ABCC5: variants seen among roughly 807,000 people sequenced by gnomAD.
ABCC5 encodes the protein ATP binding cassette subfamily C member 5.
ABCC5 carries 61 observed loss-of-function variants against 160.9 expected under a neutral mutation model. The observed-to-expected ratio is 0.38, with a 90% CI of 0.31 to 0.47. The LOEUF (loss-of-function observed/expected upper bound fraction) is 0.47, where lower values mean the gene tolerates loss of function less well. ABCC5 is among the 20% of genes least tolerant of loss of function. ABCC5 has a pLI of 0.99. For missense variants in ABCC5, 1,308 were observed against 1,813.3 expected, an observed-to-expected ratio of 0.72 and a Z score of 5.06; for synonymous variants, 666 against 700.6, an observed-to-expected ratio of 0.95 and a Z score of 0.78.
In ABCC5 at chr3:183,964,371, G is replaced by T. The variant is rs1717036856; in HGVS notation, c.2032-783C>A. On this transcript the variant is annotated intron_variant, in intron 14 of 29. Transcript: ENST00000334444. ...AAACACCTAATAAATGTTACTAAAT[G>T]ATTAAATGAATAAATCAGTTGTCAA... Among the ~76,000 whole-genome samples the T allele has an allele frequency of 3.3e-5, 5 of 152,218 alleles. No homozygotes were observed. In the South Asian group the frequency reaches 1.0e-3, roughly 31 times the overall value.
intron 10 of ABCC5, among the ~76,000 whole-genome samples, chr3:183,974,904 A>G (rs185536881): frequency 6.6e-6 from 1 of 152,362 alleles, no homozygotes; most frequent in East Asian, 1.9e-4. Context: ...AGAAAAGACT[A>G]TACTTGCAAA....
chr3:183,946,015 CA>C, intron 23 of ABCC5, 76 bp from the exon 24 acceptor site: 2 of 1,324,264 alleles, frequency 1.5e-6, no homozygotes, highest in Non-Finnish European at 2.2e-6. Context: ...GAACTTCCTT[CA>C]TCTAGAGGAC....
At chr3:183,940,462 GAAAAAAAAAAAA>G (rs537025178) in intron 25 of ABCC5, among the ~76,000 whole-genome samples, 5 of 64,620 alleles carry the variant, frequency 7.7e-5, no homozygotes, top group Admixed American at 1.8e-4. Context: ...TCTGTCTCAG[GAAAAAAAAAAAA>G]AAAAAAAAAA....
At chr3:184,013,574 C>T (rs9876143) in intron 2 of ABCC5, among the ~76,000 whole-genome samples, 2 of 152,084 alleles carry the variant, frequency 1.3e-5, no homozygotes, top group Middle Eastern at 6.9e-3. Flanking sequence ...TTTAAACACA[C>T]ATGACAGAAA....
chr3:183,961,770 G>T, intron 15 of ABCC5, 116 bp from the exon 16 acceptor site: 1 of 1,299,466 alleles, frequency 7.7e-7, no homozygotes, highest in Non-Finnish European at 1.1e-6. Context: ...GAAGACATTT[G>T]GCAGCATCTG....
chr3:183,994,765 GAAT>G (rs1418484956), intron 2 of ABCC5, among the ~76,000 whole-genome samples: 5 of 151,910 alleles, frequency 3.3e-5, no homozygotes, highest in African/African-American at 4.8e-5. Context: ...AATGGTGAAC[GAAT>G]AATGTTTAAC....
chr3:183,944,609 C>T (rs1043237574), intron 24 of ABCC5, among the ~76,000 whole-genome samples: 1 of 152,182 alleles, frequency 6.6e-6, no homozygotes, highest in African/African-American at 2.4e-5. Flanking sequence ...ACTCATGATG[C>T]TGCTTCTTTA....
intron 29 of ABCC5, among the ~76,000 whole-genome samples, chr3:183,922,032 AAAT>A (rs1712032092): frequency 6.9e-6 from 1 of 144,750 alleles, no homozygotes; most frequent in African/African-American, 2.6e-5. Flanking sequence ...CTCTGCCTCA[AAAT>A]AATAAATAAA....
At chr3:183,980,718 T>G (rs1265878077) in intron 8 of ABCC5, among the ~76,000 whole-genome samples, 2 of 130,002 alleles carry the variant, frequency 1.5e-5, no homozygotes, top group Non-Finnish European at 3.0e-5. Flanking sequence ...TGTTTTGTTT[T>G]TTTTTTTTTT....
At chr3:183,931,096 C>A (rs991285195) in intron 26 of ABCC5, among the ~76,000 whole-genome samples, 17 of 152,106 alleles carry the variant, frequency 1.1e-4, no homozygotes, top group Admixed American at 1.1e-3. Context: ...ATAATGAAAT[C>A]AAGCAATTAT....
intron 26 of ABCC5, among the ~76,000 whole-genome samples, chr3:183,930,887 TAAGTC>T (rs1713111024): frequency 6.6e-6 from 1 of 152,192 alleles, no homozygotes; most frequent in African/African-American, 2.4e-5. Flanking sequence ...ATACAGCAAG[TAAGTC>T]CATCAGATGC....
chr3:184,009,914 T>G (rs1179545252), intron 2 of ABCC5: 2 of 414,826 alleles, frequency 4.8e-6, no homozygotes, highest in Non-Finnish European at 9.8e-6. Context: ...TTTGGGAGGC[T>G]GAGGCGGGAG....
intron 15 of ABCC5, 30 bp from the exon 16 acceptor site, chr3:183,961,684 T>A (rs199655285): frequency 6.2e-7 from 1 of 1,612,974 alleles, no homozygotes; most frequent in Non-Finnish European, 8.5e-7. Flanking sequence ...CAACACAATA[T>A]GCTGTTTGTG....
chr3:183,963,285 G>A lies in ABCC5; in HGVS notation c.2235+100C>T. ...TAAGAAAATGAAACCTTGATTCCAG[G>A]AATTTCTAGTTATAACACAAGGATA... On this transcript the variant is annotated intron_variant, in intron 15 of 29. Transcript: ENST00000334444. The surrounding 1 kb of genome is among the most constrained non-coding windows in gnomAD (Gnocchi z 4.6). 1.5e-6 allele frequency: 2 copies of A among 1,302,144 alleles called. No individual in the cohort carries two copies. The highest frequency in any genetic ancestry group is 2.5e-5 in the South Asian group (2 of 79,978). 80.7% of individuals were successfully genotyped at this position (1,302,144 alleles called of 1,614,324 possible). A position where few individuals can be genotyped will look rare whatever the true frequency, so the allele number is the denominator to read the frequency against.
intron 24 of ABCC5, 50 bp downstream of exon 24, chr3:183,945,800 C>A (rs28365021): frequency 4.6e-5 from 70 of 1,522,258 alleles, no homozygotes; most frequent in African/African-American, 4.5e-4. Flanking sequence ...AAAGGGTAAA[C>A]CGACTCCAAG....
At position 183,981,817 on chromosome 3, in the gene ABCC5, C is replaced by T; in HGVS notation, c.1057G>A (p.Glu353Lys). 1 of 1,611,928 alleles carries T rather than the reference C, an allele frequency of 6.2e-7. No homozygotes were observed. The highest frequency in any genetic ancestry group is 8.5e-7 in the Non-Finnish European group (1 of 1,179,438). The change falls in exon 8 of 30, where the codon GAA (glutamate) becomes AAA (lysine). Residue 353 changes from glutamate (E) to lysine (K), a missense_variant. Coordinates refer to ENST00000334444, the MANE Select transcript of ABCC5 (RefSeq NM_005688.4). ...FRRKCVAATDERVQKMNEVLT... is the reference protein window; with the variant it reads ...FRRKCVAATDKRVQKMNEVLT... ...ACTTCATTCATCTTCTGGACACGTT[C>T]ATCCGTGGCGGCCACGCATTTTCTC...
intron 5 of ABCC5, chr3:183,985,882 T>A (rs1158021313): frequency 5.6e-6 from 1 of 179,986 alleles, no homozygotes; most frequent in Non-Finnish European, 1.2e-5. Flanking sequence ...ACACAACAAC[T>A]TGACTGTGTT....
chr3:183,930,474 A>C (rs1215568185), intron 26 of ABCC5, among the ~76,000 whole-genome samples: 1 of 152,260 alleles, frequency 6.6e-6, no homozygotes, highest in Admixed American at 6.5e-5. Flanking sequence ...TAAGTACCTA[A>C]GAATGTGACC....
At position 183,982,424 on chromosome 3, in the gene ABCC5, C is replaced by G; in HGVS notation, c.999+27G>C. 1 of 1,607,124 alleles carries G rather than the reference C, an allele frequency of 6.2e-7. No homozygotes were observed. The highest frequency in any genetic ancestry group is 8.5e-7 in the Non-Finnish European group (1 of 1,176,238). Reference sequence around the variant, plus strand: ...AACTCATCTCCTAAGGAGAAGCTGCCAGGATTCAGCTGGGAGGCTTACTCA... The same window carrying G: ...AACTCATCTCCTAAGGAGAAGCTGCGAGGATTCAGCTGGGAGGCTTACTCA... On this transcript the variant is annotated intron_variant, in intron 7 of 29. Coordinates refer to ENST00000334444, the MANE Select transcript of ABCC5 (RefSeq NM_005688.4). This position sits in a 1 kb window ranked among gnomAD's most constrained non-coding sequence, Gnocchi z 5.2.
Sources: gnomAD v4.1 joint callset for allele counts (sites outside exome capture counted in the v4.1 genomes callset) on GRCh38, gnomAD v4.1.1 for gene constraint, Gnocchi (gnomAD v3.1) non-coding constraint, MANE v1.5 for transcripts, NCBI Gene and HGNC (gene_info 2026-07-23, HGNC 2026-07-21) for gene names.